XDH: variants seen among roughly 807,000 people sequenced by gnomAD.
XDH encodes xanthine dehydrogenase/oxidase.
Under a neutral mutation model 156.1 loss-of-function variants are expected in XDH, and 138 were observed. That is an observed-to-expected ratio of 0.88 (90% CI 0.77 to 1.02). The LOEUF (loss-of-function observed/expected upper bound fraction) is 1.02, where lower values mean the gene tolerates loss of function less well. Ranked by LOEUF, XDH falls within the 50% of genes least tolerant of loss-of-function variation. The pLI, the probability that XDH is intolerant of heterozygous loss-of-function variation, is 0.00. For synonymous variants in XDH, 669 were observed against 625.7 expected (o/e 1.07, Z -1.03); for missense variants, 1,849 against 1,684.9 (o/e 1.10, Z -1.71).
chr2:31,347,781 C>G (rs1685342074), intron 28 of XDH, 131 bp from the exon 29 acceptor site: 2 of 1,236,352 alleles, frequency 1.6e-6, no homozygotes, highest in African/African-American at 1.5e-5. Context: ...ATCTCATTGT[C>G]TGGGATGTCC....
At chr2:31,343,285 C>CAT (rs60481824) in intron 31 of XDH, among the ~76,000 whole-genome samples, 930 of 68,070 alleles carry the variant, frequency 0.014, 3 homozygotes, top group African/African-American at 0.023. Context: ...ATTTCTTCAC[C>CAT]ATATATATAT....
At chr2:31,363,814 T>C (rs1344324984) in intron 24 of XDH, among the ~76,000 whole-genome samples, 2 of 152,082 alleles carry the variant, frequency 1.3e-5, no homozygotes, top group African/African-American at 4.8e-5. Context: ...CTATATATAG[T>C]AATATATATT....
At chr2:31,392,616 G>C (rs766629245) in intron 6 of XDH, among the ~76,000 whole-genome samples, 3 of 151,974 alleles carry the variant, frequency 2.0e-5, no homozygotes, top group Non-Finnish European at 2.9e-5. Context: ...GTAGAAACAG[G>C]GTTTCACCAT....
At chr2:31,396,568 A>G (rs1344184519) in intron 6 of XDH, among the ~76,000 whole-genome samples, 6 of 152,204 alleles carry the variant, frequency 3.9e-5, no homozygotes, top group Non-Finnish European at 8.8e-5. Flanking sequence ...TTCTAATGAA[A>G]TCACCTAATA....
chr2:31,368,839 T>C (rs756214326), intron 18 of XDH, among the ~76,000 whole-genome samples, 179 bp from the exon 19 acceptor site: 5 of 152,330 alleles, frequency 3.3e-5, no homozygotes, highest in South Asian at 4.1e-4. Context: ...AGGATCAAGA[T>C]GGCAAACACA....
chr2:31,373,439 A>G (rs182158143), intron 16 of XDH, among the ~76,000 whole-genome samples: 1 of 152,384 alleles, frequency 6.6e-6, no homozygotes, highest in East Asian at 1.9e-4. Context: ...AAGTTGCAAT[A>G]GAAACCATCT....
chr2:31,389,585 A>G (rs1686707373), intron 6 of XDH: 1 of 152,240 alleles, frequency 6.6e-6, no homozygotes, highest in African/African-American at 2.4e-5. Context: ...AAAGTCCTGC[A>G]TCCCACTCAC....
chr2:31,395,165 G>T (rs1463078672), intron 6 of XDH, among the ~76,000 whole-genome samples: 1 of 151,762 alleles, frequency 6.6e-6, no homozygotes, highest in Non-Finnish European at 1.5e-5. Flanking sequence ...TTAATGTATT[G>T]GTAAGATATG....
At chr2:31,353,332 G>T (rs1324580684) in intron 24 of XDH, among the ~76,000 whole-genome samples, 1 of 152,122 alleles carries the variant, frequency 6.6e-6, no homozygotes, top group Non-Finnish European at 1.5e-5. Flanking sequence ...GATAATTACT[G>T]ACACATTACT....
chr2:31,398,460 G>A (rs1241905749), intron 5 of XDH, 113 bp downstream of exon 5: 12 of 1,578,434 alleles, frequency 7.6e-6, no homozygotes, highest in Non-Finnish European at 1.0e-5. Flanking sequence ...TGGGGGGCCT[G>A]AGCCCTTCCT....
intron 24 of XDH, among the ~76,000 whole-genome samples, chr2:31,354,318 C>A (rs776740318): frequency 6.6e-6 from 1 of 152,200 alleles, no homozygotes; most frequent in Non-Finnish European, 1.5e-5. Flanking sequence ...ATCGTCATCA[C>A]CACCATCATC....
intron 32 of XDH, 37 bp downstream of exon 32, chr2:31,342,146 T>A (rs1324886637): frequency 1.3e-6 from 2 of 1,566,098 alleles, no homozygotes; most frequent in Admixed American, 1.7e-5. Flanking sequence ...TTCTCTTCTC[T>A]TTCCCACTAA....
chr2:31,368,810 C>A, intron 18 of XDH, 150 bp from the exon 19 acceptor site: 1 of 1,453,470 alleles, frequency 6.9e-7, no homozygotes, highest in East Asian at 2.4e-5. Context: ...TTTCCTTATC[C>A]TACTGATTGA....
At chr2:31,369,049 G>T (rs536073588) in intron 18 of XDH, among the ~76,000 whole-genome samples, 1 of 152,260 alleles carries the variant, frequency 6.6e-6, no homozygotes, top group Admixed American at 6.5e-5. Context: ...GCCACATTTG[G>T]CTAGTTACTA....
At chr2:31,394,643 T>G (rs1686853814) in intron 6 of XDH, among the ~76,000 whole-genome samples, 1 of 152,218 alleles carries the variant, frequency 6.6e-6, no homozygotes, top group Non-Finnish European at 1.5e-5. Context: ...TCTCTTTTTC[T>G]TCTTTTACTG....
At chr2:31,347,881 C>T (rs1017030454) in intron 28 of XDH, among the ~76,000 whole-genome samples, 5 of 152,196 alleles carry the variant, frequency 3.3e-5, no homozygotes, top group Non-Finnish European at 7.3e-5. Context: ...TTTACACTAA[C>T]ACTCACTTTT....
rs559288810 is a variant in XDH, at chr2:31,353,370, C to A, written c.2632-3147G>T. 3.9e-5 allele frequency among the ~76,000 whole-genome samples: 6 copies of A among 152,298 alleles called. No homozygotes were observed. The South Asian group carries it at 1.2e-3, about 32-fold the overall frequency. On this transcript the variant is annotated intron_variant, in intron 24 of 35. Transcript: ENST00000379416. ...GGATTCTATCTTGTGAGAAACTCAA[C>A]ATTGAAGTATATACAGAGACTTTCA...
intron 2 of XDH, among the ~76,000 whole-genome samples, chr2:31,403,792 A>G (rs1367227474): frequency 6.6e-6 from 1 of 152,116 alleles, no homozygotes; most frequent in African/African-American, 2.4e-5. Context: ...TTGAGTTTTA[A>G]AAGTGCCTAA....
chr2:31,345,985 C>A (rs988400874), intron 30 of XDH, among the ~76,000 whole-genome samples: 1 of 152,186 alleles, frequency 6.6e-6, no homozygotes, highest in Non-Finnish European at 1.5e-5. Context: ...TCATAGAAGG[C>A]ATAGTAAGAT....
Sources: allele counts gnomAD v4.1 joint callset (sites outside exome capture counted in the v4.1 genomes callset), GRCh38; gene constraint gnomAD v4.1.1; transcripts MANE v1.5; gene names NCBI Gene and HGNC (gene_info 2026-07-23, HGNC 2026-07-21).